Variants in ADGRL3 observed in about 807,000 individuals in gnomAD.
ADGRL3 encodes the protein calcium-independent alpha-latrotoxin receptor 3.
ADGRL3 carries 62 observed loss-of-function variants against 153.5 expected under a neutral mutation model. That is an observed-to-expected ratio of 0.40 (90% CI 0.33 to 0.50). The LOEUF is 0.50. ADGRL3 is among the 20% of genes least tolerant of loss of function. ADGRL3 has a pLI of 0.47. For synonymous variants in ADGRL3, 710 were observed against 672.5 expected (o/e 1.06, Z -0.86); for missense variants, 1,641 against 1,859.4 (o/e 0.88, Z 2.16).
chr4:61,971,626 A>G (rs1188867832), intron 17 of ADGRL3, among the ~76,000 whole-genome samples: 1 of 152,094 alleles, frequency 6.6e-6, no homozygotes, highest in Non-Finnish European at 1.5e-5. Context: ...ATACATGTGC[A>G]TGTGTCTTTA....
chr4:61,663,837 T>G (rs2094693253), intron 5 of ADGRL3, among the ~76,000 whole-genome samples: 1 of 152,224 alleles, frequency 6.6e-6, no homozygotes, highest in Non-Finnish European at 1.5e-5. Context: ...TATAGTTCCA[T>G]TTTACTATGT....
chr4:61,887,401 A>G (rs937145817), intron 9 of ADGRL3, among the ~76,000 whole-genome samples: 2 of 152,230 alleles, frequency 1.3e-5, no homozygotes, highest in African/African-American at 4.8e-5. Context: ...ATATGGAGTC[A>G]GAGAATGCCT....
intron 8 of ADGRL3, among the ~76,000 whole-genome samples, chr4:61,750,877 T>C (rs898869063): frequency 1.3e-5 from 2 of 151,728 alleles, no homozygotes; most frequent in Admixed American, 6.6e-5. Context: ...AATCTTGAAG[T>C]GGAATCTGGG....
At chr4:61,894,208 C>T (rs750047756) in intron 10 of ADGRL3, among the ~76,000 whole-genome samples, 7 of 152,190 alleles carry the variant, frequency 4.6e-5, no homozygotes, top group Middle Eastern at 3.4e-3. Context: ...TGTCATCCAG[C>T]ATTCTCAGGG....
chr4:61,460,748 C>T (rs888792627), intron 2 of ADGRL3, among the ~76,000 whole-genome samples: 6 of 152,002 alleles, frequency 3.9e-5, no homozygotes, highest in East Asian at 1.9e-4. Flanking sequence ...AAGAGAGAAG[C>T]CAAGCAAAAG....
intron 5 of ADGRL3, among the ~76,000 whole-genome samples, chr4:61,601,276 T>C (rs2099010512): frequency 6.6e-6 from 1 of 152,290 alleles, no homozygotes; most frequent in East Asian, 1.9e-4. Context: ...GGAACACCCA[T>C]TCCTTTATCT....
At chr4:61,913,259 A>G (rs571761318) in intron 13 of ADGRL3, among the ~76,000 whole-genome samples, 4 of 152,268 alleles carry the variant, frequency 2.6e-5, no homozygotes, top group Admixed American at 6.6e-5. Context: ...TGTAATCCCA[A>G]TGTAAATGTA....
At chr4:61,807,921 T>C (rs1003350009) in intron 8 of ADGRL3, among the ~76,000 whole-genome samples, 1 of 152,126 alleles carries the variant, frequency 6.6e-6, no homozygotes, top group Non-Finnish European at 1.5e-5. Flanking sequence ...CTCTGAAGTT[T>C]TAATTCTTTA....
Position 61,543,582 on chromosome 4 carries a change from G to A in ADGRL3, c.259+26064G>A, listed in dbSNP as rs979735145. ...TTACTTTGTGGTAATTTGTTACTGCGCAATAGAAAACTTAATACATTCTCT... is the reference window on the plus strand; with the variant it reads ...TTACTTTGTGGTAATTTGTTACTGCACAATAGAAAACTTAATACATTCTCT... On this transcript the variant is annotated intron_variant, in intron 4 of 26. Transcript: ENST00000683033. Among the ~76,000 whole-genome samples the A allele has an allele frequency of 3.3e-5, 5 of 152,204 alleles. No homozygotes were observed. The East Asian group carries it at 5.8e-4, about 18-fold the overall frequency.
intron 2 of ADGRL3, among the ~76,000 whole-genome samples, chr4:61,432,573 C>CTTTTT (rs1560622534): frequency 2.8e-5 from 1 of 35,864 alleles, no homozygotes. Flanking sequence ...TCTTTCTCTT[C>CTTTTT]CTTTCTTTCT....
rs530974902 is a variant in ADGRL3, at chr4:61,866,271, G to A, written c.1481-26385G>A. Among the ~76,000 whole-genome samples, 6 of 152,250 alleles carry A rather than the reference G, an allele frequency of 3.9e-5. No homozygotes were observed. The East Asian group carries it at 7.7e-4, about 20-fold the overall frequency. ...GCTTCCATGAATCCCTTATCATTAC[G>A]TTTAAATGAGGGGAAAGCATCAAAT... is the stretch of plus-strand genomic sequence containing the variant. On this transcript the variant is annotated intron_variant, in intron 9 of 26. Coordinates refer to ENST00000683033, the MANE Select transcript of ADGRL3 (RefSeq NM_001387552.1).
intron 1 of ADGRL3, among the ~76,000 whole-genome samples, chr4:61,382,238 C>G (rs944782868): frequency 8.6e-5 from 13 of 151,230 alleles, no homozygotes; most frequent in Non-Finnish European, 1.9e-4. Flanking sequence ...ACACTAATAG[C>G]ATAAATAAAT....
intron 9 of ADGRL3, among the ~76,000 whole-genome samples, chr4:61,867,517 T>TATATATATATATATATATAC (rs1372289228): frequency 3.3e-5 from 4 of 121,340 alleles, no homozygotes; most frequent in Non-Finnish European, 5.4e-5. Context: ...TATATATGCA[T>TATATATATATATATATATAC]ATATATATAT....
chr4:61,264,054 A>G (rs1381390386), intron 1 of ADGRL3, among the ~76,000 whole-genome samples: 3 of 152,016 alleles, frequency 2.0e-5, no homozygotes, highest in African/African-American at 4.8e-5. Flanking sequence ...TAATAGTTCA[A>G]TGCAATCAGA....
chr4:61,479,766 A>C (rs1302702345), intron 2 of ADGRL3, among the ~76,000 whole-genome samples: 1 of 152,182 alleles, frequency 6.6e-6, no homozygotes. Flanking sequence ...TTGGATATTC[A>C]TATCAACAAT....
At chr4:61,325,400 A>G (rs2095444352) in intron 1 of ADGRL3, among the ~76,000 whole-genome samples, 1 of 152,224 alleles carries the variant, frequency 6.6e-6, no homozygotes, top group Admixed American at 6.5e-5. Context: ...TATGTTGTAG[A>G]GCAGTATTTG....
chr4:61,226,404 A>T (rs1157725696), intron 1 of ADGRL3, among the ~76,000 whole-genome samples: 1 of 152,112 alleles, frequency 6.6e-6, no homozygotes, highest in Non-Finnish European at 1.5e-5. Context: ...ATCTCTGTTC[A>T]TTTCTTTGTT....
intron 1 of ADGRL3, among the ~76,000 whole-genome samples, chr4:61,254,940 T>G (rs1181647909): frequency 2.0e-5 from 3 of 152,138 alleles, no homozygotes; most frequent in Non-Finnish European, 4.4e-5. Flanking sequence ...AATGGCTTCC[T>G]TCATTCTTAT....
At chr4:61,976,719 T>C (rs566948847) in intron 17 of ADGRL3, among the ~76,000 whole-genome samples, 5 of 152,304 alleles carry the variant, frequency 3.3e-5, no homozygotes, top group African/African-American at 1.2e-4. Context: ...TCTTGCCTGC[T>C]GCCTTGTAAG....
Sources: allele counts gnomAD v4.1 joint callset (sites outside exome capture counted in the v4.1 genomes callset), GRCh38; gene constraint gnomAD v4.1.1; transcripts MANE v1.5; gene names NCBI Gene and HGNC (gene_info 2026-07-23, HGNC 2026-07-21).